ABT1: variants seen among roughly 807,000 people sequenced by gnomAD.
The protein encoded by ABT1 is activator of basal transcription 1.
In ABT1, 13 loss-of-function variants were observed where a neutral mutation model predicts 14.0. That is an observed-to-expected ratio of 0.93 (90% CI 0.61 to 1.48). The LOEUF (loss-of-function observed/expected upper bound fraction) is 1.48. ABT1 is among the 40% of genes most tolerant of loss of function. The probability of loss-of-function intolerance (pLI) is 0.00; values close to 1 mark genes in which losing one functional copy is unlikely to be tolerated. For synonymous variants in ABT1, 165 were observed against 144.6 expected, an observed-to-expected ratio of 1.14 and a Z score of -1.01; for missense variants, 430 against 380.0, an observed-to-expected ratio of 1.13 and a Z score of -1.09.
At position 26,598,617 on chromosome 6, in the gene ABT1, A is replaced by T. The variant is rs1554144843; in HGVS notation, c.791A>T (p.Glu264Val). The change falls in exon 3 of 3, where the codon GAG becomes GTG. Residue 264 changes from glutamate to valine, a missense_variant. Transcript: ENST00000274849. ...GCCCCGCCACCCTCAGAGAGCATGG[A>T]GGGACCTTCCCTTGTCAGGGACTCC... ...FGAPPPSESM[E>V]GPSLVRDS The T allele has an allele frequency of 6.3e-7, 1 of 1,580,746 alleles. No individual in the cohort carries two copies. Among genetic ancestry groups the T allele is most frequent in the Non-Finnish European group, 8.6e-7 (1 of 1,158,836 alleles).
chr6:26,597,871 G>A (rs1554144657), intron 1 of ABT1, 43 bp from the exon 2 acceptor site: 2 of 1,556,496 alleles, frequency 1.3e-6, no homozygotes, highest in Non-Finnish European at 1.7e-6. Flanking sequence ...TTGAGTGAGT[G>A]CTGCATAGGC....
In ABT1 at chr6:26,598,491, C is replaced by G. The variant is rs1050530186; in HGVS notation, c.665C>G (p.Ala222Gly). 6.2e-7 allele frequency: 1 copy of G among 1,614,044 alleles called. No individual in the cohort carries two copies. Among genetic ancestry groups the G allele is most frequent in the Admixed American group, 1.7e-5 (1 of 60,030 alleles). Residue 222 changes from alanine to glycine, a missense_variant, in exon 3 of 3, where the codon GCC becomes GGC. Physicochemically the swap from Ala to Gly is moderately conservative, Grantham distance 60 (BLOSUM62 0). Coordinates refer to ENST00000274849, the MANE Select transcript of ABT1 (RefSeq NM_013375.4). ...AQRPTEQELR[A>G]RKAARPGGRE... is the part of the protein sequence containing the mutation. ...CGTCCTACTGAGCAGGAACTGAGGGCCCGTAAAGCAGCACGGCCAGGGGGA... is the reference window on the plus strand; with the variant it reads ...CGTCCTACTGAGCAGGAACTGAGGGGCCGTAAAGCAGCACGGCCAGGGGGA...
At chr6:26,597,808 G>A in intron 1 of ABT1, 106 bp from the exon 2 acceptor site, 1 of 1,178,720 alleles carries the variant, frequency 8.5e-7, no homozygotes, top group Non-Finnish European at 1.2e-6. Flanking sequence ...AACTCTTCAG[G>A]TGGGACTCCC....
Position 26,598,301 on chromosome 6 carries a change from C to A in ABT1, c.475C>A (p.His159Asn), listed in dbSNP as rs1764930677. The A allele has an allele frequency of 1.9e-6, 3 of 1,614,022 alleles. No individual in the cohort carries two copies. In the African/African-American group the frequency reaches 4.0e-5, roughly 22 times the overall value. ...TTTCACCTGGTCCCACCTCAGCGAG[C>A]ACCTCGCCTTTGAGCGCCAGGTGCG... Reference protein sequence around the residue: ...HRFTWSHLSEHLAFERQVRRQ... With the variant: ...HRFTWSHLSENLAFERQVRRQ... The change falls in exon 3 of 3, where the codon CAC (histidine) becomes AAC (asparagine). Residue 159 changes from histidine (H) to asparagine (N), a missense_variant. Physicochemically the swap from His to Asn is moderately conservative, Grantham distance 68. Transcript: ENST00000274849.
intron 1 of ABT1, 22 bp from the exon 2 acceptor site, chr6:26,597,892 G>A (rs781865612): frequency 1.6e-5 from 26 of 1,597,956 alleles, no homozygotes; most frequent in African/African-American, 2.7e-5. Context: ...GTCCTGGACG[G>A]GTCTTTGTCT....
Position 26,597,066 on chromosome 6 carries a change from G to C in ABT1, c.84G>C (p.Glu28Asp). The change falls in exon 1 of 3, where the codon GAG becomes GAC. Residue 28 changes from glutamate to aspartate, a missense_variant. By Grantham distance (45) the Glu-to-Asp change is conservative. Coordinates refer to ENST00000274849, the MANE Select transcript of ABT1 (RefSeq NM_013375.4). ...GTEQTLDAEE[E>D]QEESEEAACG... is the part of the protein sequence containing the mutation. ...AACAGACACTAGATGCGGAGGAGGA[G>C]CAGGAGGAATCCGAAGAAGCGGCCT... The C allele has an allele frequency of 6.2e-7, 1 of 1,614,010 alleles. No homozygotes were observed. Among genetic ancestry groups the C allele is most frequent in the Non-Finnish European group, 8.5e-7 (1 of 1,180,020 alleles).
In ABT1 at chr6:26,597,941, C is replaced by A. The variant is rs782317107; in HGVS notation, c.269C>A (p.Ala90Glu). 4 of 1,613,214 alleles carry A rather than the reference C, an allele frequency of 2.5e-6. No individual in the cohort carries two copies. The highest frequency in any genetic ancestry group is 3.4e-6 in the Non-Finnish European group (4 of 1,179,418). The change falls in exon 2 of 3, where the codon GCA becomes GAA. Residue 90 changes from alanine to glutamate, a missense_variant. Ala to Glu is a moderately radical substitution (Grantham distance 107). Coordinates refer to ENST00000274849, the MANE Select transcript of ABT1 (RefSeq NM_013375.4). Reference protein sequence around the residue: ...EDRFVRRKKKAAAAAGGKKRS... With the variant: ...EDRFVRRKKKEAAAAGGKKRS... ...CGGTTCGTGAGACGCAAGAAGAAGG[C>A]AGCAGCAGCTGCCGGAGGAAAAAAG...
rs781793691 is a variant in ABT1 at position 26,597,155 on chromosome 6, G to A, written c.173G>A (p.Arg58Gln). ...CTGGGCCATATCCCGCCGCGCTTCC[G>A]GCCCCTGCACGTCCGCAACCTTCTC... ...VYLGHIPPRF[R>Q]PLHVRNLLSA... The change falls in exon 1 of 3, where the codon CGG (arginine) becomes CAG (glutamine). Residue 58 changes from arginine to glutamine, a missense_variant. Arg to Gln is a conservative substitution (Grantham distance 43, BLOSUM62 1). Transcript: ENST00000274849. 80 of 1,614,104 alleles carry A rather than the reference G, an allele frequency of 5.0e-5. No homozygotes were observed. The highest frequency in any genetic ancestry group is 6.7e-5 in the Non-Finnish European group (79 of 1,180,042).
At position 26,597,956 on chromosome 6, in the gene ABT1, G is replaced by C; in HGVS notation, c.284G>C (p.Gly95Ala). The change falls in exon 2 of 3, where the codon GGA (glycine) becomes GCA (alanine). Residue 95 changes from glycine (G) to alanine (A), a missense_variant. Coordinates refer to ENST00000274849, the MANE Select transcript of ABT1 (RefSeq NM_013375.4). ...RRKKKAAAAA[G>A]GKKRSYTKDY... Reference sequence around the variant, plus strand: ...AAGAAGAAGGCAGCAGCAGCTGCCGGAGGAAAAAAGCGGTCCTACACCAAG... The same window carrying C: ...AAGAAGAAGGCAGCAGCAGCTGCCGCAGGAAAAAAGCGGTCCTACACCAAG... The C allele has an allele frequency of 6.2e-7, 1 of 1,613,578 alleles. No individual in the cohort carries two copies.
In ABT1 at chr6:26,598,056, G is replaced by A. The variant is rs782736817; in HGVS notation, c.384G>A (p.Thr128=). ...GCGTGGCGGCCAGTCTACACAACAC[G>A]CCTATGGGTGCCCGCAGGCGCAGCC... The part of the protein sequence containing the change: ...AKRVAASLHN[T]PMGARRRSPF... Residue 128 remains threonine (T), a synonymous_variant, in exon 2 of 3, where the codon ACG becomes ACA. Coordinates refer to ENST00000274849, the MANE Select transcript of ABT1 (RefSeq NM_013375.4). 1.2e-6 allele frequency: 2 copies of A among 1,614,146 alleles called. No homozygotes were observed. Among genetic ancestry groups the A allele is most frequent in the Non-Finnish European group, 1.7e-6 (2 of 1,180,020 alleles).
rs781977428 is a variant in ABT1 at position 26,599,791 on chromosome 6, G to T, written c.*1146G>T. The stretch of plus-strand genomic sequence containing the variant: ...CCACTAAAAGGAACTGAAAACCTAG[G>T]TGTCACAATAAACAGTCTACACAGT... On this transcript the variant is annotated 3_prime_UTR_variant, in exon 3 of 3. Transcript: ENST00000274849. 1 of 152,170 alleles carries T rather than the reference G, an allele frequency of 6.6e-6. No individual in the cohort carries two copies. Among genetic ancestry groups the T allele is most frequent in the Non-Finnish European group, 1.5e-5 (1 of 68,024 alleles). 9.4% of individuals were successfully genotyped at this position (152,170 alleles called of 1,614,324 possible).
chr6:26,598,167 C>T (rs782033503), intron 2 of ABT1, 57 bp downstream of exon 2: 3 of 1,576,600 alleles, frequency 1.9e-6, no homozygotes, highest in Non-Finnish European at 2.6e-6. Context: ...CCAACTCTGG[C>T]CCAAGTATCC....
chr6:26,598,576 G>C lies in ABT1; in HGVS notation c.750G>C (p.Leu250=), dbSNP rs1377199136. The change falls in exon 3 of 3, where the codon CTG becomes CTC. Residue 250 remains leucine, a synonymous_variant. Coordinates refer to ENST00000274849, the MANE Select transcript of ABT1 (RefSeq NM_013375.4). ...AGGCCCGCTCCAACAAAGGGCTCCT[G>C]GCCAGGATCTTTGGAGCCCCGCCAC... The part of the protein sequence containing the change: ...QDKARSNKGL[L]ARIFGAPPPS... 6.2e-7 allele frequency: 1 copy of C among 1,602,934 alleles called. No homozygotes were observed. The highest frequency in any genetic ancestry group is 1.7e-5 in the Admixed American group (1 of 59,746).
In ABT1 at chr6:26,598,079, GC is replaced by G. The variant is rs1764927602; in HGVS notation, c.411del (p.Phe138SerfsTer34). 1.2e-6 allele frequency: 2 copies of G among 1,613,016 alleles called. No homozygotes were observed. The highest frequency in any genetic ancestry group is 1.7e-6 in the Non-Finnish European group (2 of 1,179,242). On this transcript the variant is annotated frameshift_variant, in exon 2 of 3. Transcript: ENST00000274849. LOFTEE classifies it low-confidence loss of function (END_TRUNC). The stretch of plus-strand genomic sequence containing the variant: ...ACGCCTATGGGTGCCCGCAGGCGCA[GC>G]CCCTTCCGTTATGATCTTTGGAACC... ...HNTPMGARRR[S>X]PFRYDLWNLK...
rs1764909870 is a variant in ABT1 at position 26,597,073 on chromosome 6, G to A, written c.91G>A (p.Glu31Lys). 10 of 1,614,060 alleles carry A rather than the reference G, an allele frequency of 6.2e-6. No individual in the cohort carries two copies. Among genetic ancestry groups the A allele is most frequent in the Non-Finnish European group, 7.6e-6 (9 of 1,180,014 alleles). ...QTLDAEEEQE[E>K]SEEAACGSKK... is the part of the protein sequence containing the mutation. Reference sequence around the variant, plus strand: ...ACTAGATGCGGAGGAGGAGCAGGAGGAATCCGAAGAAGCGGCCTGTGGCAG... The same window carrying A: ...ACTAGATGCGGAGGAGGAGCAGGAGAAATCCGAAGAAGCGGCCTGTGGCAG... Residue 31 changes from glutamate (E) to lysine (K), a missense_variant, in exon 1 of 3, where the codon GAA becomes AAA. Coordinates refer to ENST00000274849, the MANE Select transcript of ABT1 (RefSeq NM_013375.4).
intron 1 of ABT1, 150 bp from the exon 2 acceptor site, chr6:26,597,764 G>A (rs57838818): frequency 0.081 from 55,703 of 688,696 alleles, 2,614 homozygotes; most frequent in Middle Eastern, 0.13. Context: ...TAGAGGAAAG[G>A]GTGCGATTTA....
chr6:26,598,349 G>A lies in ABT1; in HGVS notation c.523G>A (p.Val175Ile). The A allele has an allele frequency of 6.2e-7, 1 of 1,614,274 alleles. No individual in the cohort carries two copies. The highest frequency in any genetic ancestry group is 8.5e-7 in the Non-Finnish European group (1 of 1,180,050). The part of the protein sequence containing the change: ...QVRRQRLRAE[V>I]AQAKRETDFY... ...GCGCAGGCAGCGCTTGAGAGCGGAG[G>A]TTGCTCAAGCCAAGCGTGAGACCGA... The change falls in exon 3 of 3, where the codon GTT (valine) becomes ATT (isoleucine). Residue 175 changes from valine (V) to isoleucine (I), a missense_variant. Transcript: ENST00000274849.
rs782401511 is a variant in ABT1 at position 26,598,345 on chromosome 6, G to C, written c.519G>C (p.Ala173=). The C allele has an allele frequency of 1.2e-6, 2 of 1,614,268 alleles. No individual in the cohort carries two copies. Among genetic ancestry groups the C allele is most frequent in the Non-Finnish European group, 1.7e-6 (2 of 1,180,042 alleles). Residue 173 remains alanine, a synonymous_variant, in exon 3 of 3, where the codon GCG becomes GCC. Coordinates refer to ENST00000274849, the MANE Select transcript of ABT1 (RefSeq NM_013375.4). ...ERQVRRQRLR[A]EVAQAKRETD... The stretch of plus-strand genomic sequence containing the variant: ...AGGTGCGCAGGCAGCGCTTGAGAGC[G>C]GAGGTTGCTCAAGCCAAGCGTGAGA...
In ABT1 at chr6:26,598,306, C is replaced by A. The variant is rs781836950; in HGVS notation, c.480C>A (p.Leu160=). Residue 160 remains leucine (L), a synonymous_variant, in exon 3 of 3, where the codon CTC becomes CTA. Coordinates refer to ENST00000274849, the MANE Select transcript of ABT1 (RefSeq NM_013375.4). ...CCTGGTCCCACCTCAGCGAGCACCT[C>A]GCCTTTGAGCGCCAGGTGCGCAGGC... ...RFTWSHLSEH[L]AFERQVRRQR... 2 of 1,614,196 alleles carry A rather than the reference C, an allele frequency of 1.2e-6. No individual in the cohort carries two copies. Among genetic ancestry groups the A allele is most frequent in the East Asian group, 2.2e-5 (1 of 44,880 alleles).
Sources: allele counts gnomAD v4.1 joint callset, GRCh38; gene constraint gnomAD v4.1.1; transcripts MANE v1.5; gene names NCBI Gene and HGNC (gene_info 2026-07-23, HGNC 2026-07-21).